TOM1: variants seen among roughly 807,000 people sequenced by gnomAD.
TOM1 encodes target of myb1 membrane trafficking protein, also known as target of Myb protein 1.
In TOM1, 38 loss-of-function variants were observed where a neutral mutation model predicts 61.3. The observed-to-expected ratio is 0.62, with a 90% CI of 0.48 to 0.81. The LOEUF is 0.81. Among genes scored for constraint, TOM1 ranks in the 40% least tolerant of loss-of-function variants. TOM1 has a pLI of 0.00. For synonymous variants in TOM1, 270 were observed against 268.8 expected (o/e 1.00, Z -0.04); for missense variants, 591 against 659.6 (o/e 0.90, Z 1.14).
chr22:35,302,751 C>T (rs1055095121), intron 1 of TOM1, among the ~76,000 whole-genome samples: 1 of 152,160 alleles, frequency 6.6e-6, no homozygotes, highest in East Asian at 1.9e-4. Context: ...GTGACTCATC[C>T]AAGACCCCAG....
chr22:35,315,968 C>T (rs1426610279), intron 1 of TOM1, among the ~76,000 whole-genome samples: 3 of 152,258 alleles, frequency 2.0e-5, no homozygotes, highest in Non-Finnish European at 4.4e-5. Context: ...CCCACCCTCC[C>T]CGAGCCGGGG....
In TOM1 at chr22:35,345,732, T is replaced by C. The variant is rs766541001; in HGVS notation, c.1232T>C (p.Val411Ala). 8.7e-6 allele frequency: 14 copies of C among 1,614,136 alleles called. No individual in the cohort carries two copies. Among genetic ancestry groups the C allele is most frequent in the Non-Finnish European group, 1.2e-5 (14 of 1,180,002 alleles). Residue 411 changes from valine to alanine, a missense_variant, in exon 13 of 15, where the codon GTC (valine) becomes GCC (alanine). Transcript: ENST00000449058. ...CTCTGCCCTTCCTTCCAGATCCCAG[T>C]CACCCAGGCCTGCCTCATGGAGGAC... ...ARQQSTGAIP[V>A]TQACLMEDIE...
intron 12 of TOM1, among the ~76,000 whole-genome samples, chr22:35,341,095 C>T (rs1234985280): frequency 1.3e-5 from 2 of 152,240 alleles, no homozygotes; most frequent in Non-Finnish European, 2.9e-5. Context: ...TGTAAGCCAT[C>T]ATTTGCTGAG....
At chr22:35,332,326 C>T (rs1470778487) in intron 8 of TOM1, among the ~76,000 whole-genome samples, 1 of 152,172 alleles carries the variant, frequency 6.6e-6, no homozygotes, top group African/African-American at 2.4e-5. Context: ...ACTGTGCTTT[C>T]AAGCTCGCAG....
At chr22:35,299,815 A>G (rs1025037046), upstream of TOM1, 12 of 1,221,660 alleles carry the variant, frequency 9.8e-6, no homozygotes, top group Admixed American at 8.5e-5. Flanking sequence ...TCGCGGTGCC[A>G]CCGCCCCGCC....
Position 35,347,475 on chromosome 22 carries a change from G to A in TOM1, c.*266G>A, listed in dbSNP as rs1207351775. 8.0e-6 allele frequency: 3 copies of A among 374,964 alleles called. No homozygotes were observed. The highest frequency in any genetic ancestry group is 6.2e-5 in the African/African-American group (3 of 48,362). 23.2% of individuals were successfully genotyped at this position (374,964 alleles called of 1,614,324 possible). A position where few individuals can be genotyped will look rare whatever the true frequency, so the allele number is the denominator to read the frequency against. On this transcript the variant is annotated 3_prime_UTR_variant, in exon 15 of 15. Coordinates refer to ENST00000449058, the MANE Select transcript of TOM1 (RefSeq NM_005488.3). ...TGACCATGAGACTTTGCTGAGAAGT[G>A]GAGGCCCCAGGACAGGCTGGCTGGC...
In TOM1 at chr22:35,332,972, G is replaced by T; in HGVS notation, c.900-9G>T. ...TGTCTCCATAACTCGTGTCTTTTCTGTCTTGTAGGTTTGAACGGTTCCGAA... is the reference window on the plus strand; with the variant it reads ...TGTCTCCATAACTCGTGTCTTTTCTTTCTTGTAGGTTTGAACGGTTCCGAA... On this transcript the variant is annotated splice_polypyrimidine_tract_variant and intron_variant, in intron 8 of 14. Coordinates refer to ENST00000449058, the MANE Select transcript of TOM1 (RefSeq NM_005488.3). 6.2e-7 allele frequency: 1 copy of T among 1,614,176 alleles called. No individual in the cohort carries two copies. Among genetic ancestry groups the T allele is most frequent in the South Asian group, 1.1e-5 (1 of 91,084 alleles).
intron 12 of TOM1, among the ~76,000 whole-genome samples, chr22:35,343,730 A>T (rs1404694465): frequency 1.1e-5 from 1 of 88,818 alleles, no homozygotes; most frequent in African/African-American, 4.1e-5. Context: ...ACACATCTAC[A>T]CCCACCACAC....
At chr22:35,308,179 G>A (rs950256640) in intron 1 of TOM1, among the ~76,000 whole-genome samples, 50 of 151,656 alleles carry the variant, frequency 3.3e-4, no homozygotes, top group African/African-American at 1.1e-3. Flanking sequence ...CTTCACACCT[G>A]CATAAGCCAA....
intron 3 of TOM1, 197 bp downstream of exon 3, chr22:35,322,234 A>C: frequency 5.2e-6 from 3 of 573,896 alleles, no homozygotes; most frequent in East Asian, 2.9e-5. Context: ...GTTCTCCCCA[A>C]TCCCCCAGCA....
intron 1 of TOM1, among the ~76,000 whole-genome samples, chr22:35,305,628 C>G (rs1349700118): frequency 2.0e-5 from 3 of 150,610 alleles, no homozygotes; most frequent in Non-Finnish European, 4.4e-5. Context: ...CCGCTGCACT[C>G]TAGCCTGGTG....
intron 12 of TOM1, among the ~76,000 whole-genome samples, chr22:35,343,294 T>TAC (rs550534992): frequency 0.052 from 319 of 6,102 alleles, 1 homozygote; most frequent in South Asian, 0.096. Context: ...CACACAGCCC[T>TAC]ACACACCACA....
intron 1 of TOM1, among the ~76,000 whole-genome samples, chr22:35,308,228 G>C (rs138769): frequency 0.52 from 77,518 of 150,494 alleles, 22,757 homozygotes; most frequent in Non-Finnish European, 0.65. Flanking sequence ...GTGTGTGTGT[G>C]TGTCTGTCTC....
chr22:35,315,217 G>A (rs1323393821), intron 1 of TOM1, among the ~76,000 whole-genome samples: 1 of 152,092 alleles, frequency 6.6e-6, no homozygotes, highest in Non-Finnish European at 1.5e-5. Context: ...CAGAGGGGAT[G>A]GTGTGATGGA....
chr22:35,334,635 C>T (rs917578564), intron 11 of TOM1, among the ~76,000 whole-genome samples, 187 bp downstream of exon 11: 5 of 152,184 alleles, frequency 3.3e-5, no homozygotes, highest in African/African-American at 7.2e-5. Context: ...AGACTGCGCT[C>T]CCCACAGGCC....
chr22:35,313,852 T>C (rs2145630222), intron 1 of TOM1, among the ~76,000 whole-genome samples: 1 of 152,290 alleles, frequency 6.6e-6, no homozygotes, highest in African/African-American at 2.4e-5. Context: ...AGGTGGAGGA[T>C]TGCAGGGCCC....
rs79603137 is a variant in TOM1 at position 35,330,279 on chromosome 22, A to C, written c.766-68A>C. 4.9e-6 allele frequency: 3 copies of C among 611,644 alleles called. No homozygotes were observed. In the Admixed American group the frequency reaches 1.2e-4, roughly 24 times the overall value. The allele number at this position is 611,644 out of a possible 1,614,324, so 37.9% of individuals were successfully genotyped here. ...CCTGGGCGACAGAGCTCCGTCTCAC[A>C]AAAAAAAAAAGAGACGGCCTCACTC... On this transcript the variant is annotated intron_variant, in intron 7 of 14. Coordinates refer to ENST00000449058, the MANE Select transcript of TOM1 (RefSeq NM_005488.3).
At chr22:35,308,141 C>T (rs548082349) in intron 1 of TOM1, among the ~76,000 whole-genome samples, 2 of 152,312 alleles carry the variant, frequency 1.3e-5, no homozygotes, top group African/African-American at 4.8e-5. Flanking sequence ...CCTGCCAGCT[C>T]ACCCTACAGA....
At chr22:35,331,806 T>G (rs1928864834) in intron 8 of TOM1, among the ~76,000 whole-genome samples, 1 of 151,750 alleles carries the variant, frequency 6.6e-6, no homozygotes, top group South Asian at 2.1e-4. Flanking sequence ...GAGAATTGCT[T>G]GAACCCAGGA....
Sources: gnomAD v4.1 joint callset for allele counts (sites outside exome capture counted in the v4.1 genomes callset) on GRCh38, gnomAD v4.1.1 for gene constraint, MANE v1.5 for transcripts, NCBI Gene and HGNC (gene_info 2026-07-23, HGNC 2026-07-21) for gene names.